Variants in GPC5 observed in about 807,000 individuals in gnomAD.
GPC5 encodes the protein glypican 5.
GPC5 carries 47 observed loss-of-function variants against 53.9 expected under a neutral mutation model. That is an observed-to-expected ratio of 0.87 (90% CI 0.69 to 1.11). The LOEUF is 1.11. GPC5 is among the 50% of genes most tolerant of loss of function. The probability of loss-of-function intolerance (pLI) is 0.00; values close to 1 mark genes in which losing one functional copy is unlikely to be tolerated. For missense variants in GPC5, 748 were observed against 713.1 expected, an observed-to-expected ratio of 1.05 and a Z score of -0.56; for synonymous variants, 286 against 263.3, an observed-to-expected ratio of 1.09 and a Z score of -0.84.
intron 7 of GPC5, among the ~76,000 whole-genome samples, chr13:92,355,881 CATTT>C (rs2043517138): frequency 8.7e-6 from 1 of 115,422 alleles, no homozygotes; most frequent in Non-Finnish European, 1.7e-5. Context: ...TTGACCCTAT[CATTT>C]TTTTTTTTTT....
At chr13:91,944,801 T>A (rs2039960121) in intron 6 of GPC5, among the ~76,000 whole-genome samples, 1 of 152,228 alleles carries the variant, frequency 6.6e-6, no homozygotes, top group Non-Finnish European at 1.5e-5. Context: ...TGGGCGCTTA[T>A]AACTGTACAC....
At chr13:91,750,376 A>G (rs1285482087) in intron 4 of GPC5, among the ~76,000 whole-genome samples, 1 of 152,206 alleles carries the variant, frequency 6.6e-6, no homozygotes. Context: ...TATGAAACAC[A>G]GTCCCTGAAG....
At chr13:92,594,433 G>A (rs921205697) in intron 7 of GPC5, among the ~76,000 whole-genome samples, 3 of 152,166 alleles carry the variant, frequency 2.0e-5, no homozygotes, top group Non-Finnish European at 4.4e-5. Context: ...TGAATGGTAA[G>A]ACAGTCCTTA....
intron 6 of GPC5, among the ~76,000 whole-genome samples, chr13:92,094,897 G>C (rs756655484): frequency 6.6e-6 from 1 of 151,044 alleles, no homozygotes; most frequent in Non-Finnish European, 1.5e-5. Flanking sequence ...CTCTCTCTTC[G>C]TGTTTTATTT....
chr13:91,550,711 C>A (rs572297062), intron 2 of GPC5, among the ~76,000 whole-genome samples: 1 of 152,190 alleles, frequency 6.6e-6, no homozygotes, highest in African/African-American at 2.4e-5. Flanking sequence ...TTGGCTATGT[C>A]CTCACCCAAA....
Position 92,646,028 on chromosome 13 carries a change from A to G in GPC5, c.1562-220254A>G, listed in dbSNP as rs1266005504. Among the ~76,000 whole-genome samples, 5 of 152,124 alleles carry G rather than the reference A, an allele frequency of 3.3e-5. No individual in the cohort carries two copies. The South Asian group carries it at 8.3e-4, about 25-fold the overall frequency. On this transcript the variant is annotated intron_variant, in intron 7 of 7. Coordinates refer to ENST00000377067, the MANE Select transcript of GPC5 (RefSeq NM_004466.6). The stretch of plus-strand genomic sequence containing the variant: ...TAAGACCAGAGTTCTTAATTTTCAT[A>G]AAGTCCAATATTTCTAATTTTTATT...
At chr13:92,544,061 A>G (rs949125652) in intron 7 of GPC5, among the ~76,000 whole-genome samples, 3 of 152,104 alleles carry the variant, frequency 2.0e-5, no homozygotes, top group African/African-American at 4.8e-5. Flanking sequence ...ATGTATATTA[A>G]GTAACTGAAG....
chr13:92,057,085 C>T (rs1439560735), intron 6 of GPC5, among the ~76,000 whole-genome samples: 1 of 152,100 alleles, frequency 6.6e-6, no homozygotes, highest in African/African-American at 2.4e-5. Flanking sequence ...TTATGACTGG[C>T]TTTTTCAAAT....
At chr13:92,068,603 G>A (rs2041185398) in intron 6 of GPC5, among the ~76,000 whole-genome samples, 1 of 151,088 alleles carries the variant, frequency 6.6e-6, no homozygotes, top group Non-Finnish European at 1.5e-5. Context: ...TAATATTTTT[G>A]TAAGATTTTA....
rs1418743265 is a variant in GPC5, at chr13:92,810,508, ACT to A, written c.1562-55773_1562-55772del. On this transcript the variant is annotated intron_variant, in intron 7 of 7. Transcript: ENST00000377067. ...ATTTAATGGCATTCATTATATTTAC[ACT>A]GTTATATCACCATCACCTCTCTAGT... Among the ~76,000 whole-genome samples, 10 of 151,914 alleles carry A rather than the reference ACT, an allele frequency of 6.6e-5. 1 individual carries two copies. Among genetic ancestry groups the A allele is most frequent in the African/African-American group, 1.7e-4 (7 of 41,258 alleles).
intron 5 of GPC5, among the ~76,000 whole-genome samples, chr13:91,876,019 T>G (rs926264899): frequency 6.6e-6 from 1 of 152,220 alleles, no homozygotes. Flanking sequence ...TGACAGTGAA[T>G]AAGTCTCAGG....
intron 6 of GPC5, among the ~76,000 whole-genome samples, chr13:92,108,284 C>T (rs929815066): frequency 3.9e-5 from 6 of 152,192 alleles, no homozygotes; most frequent in Non-Finnish European, 8.8e-5. Flanking sequence ...TGAAAAATAT[C>T]CTTAGAGGAC....
At chr13:92,025,863 T>C (rs911628796) in intron 6 of GPC5, among the ~76,000 whole-genome samples, 2 of 152,192 alleles carry the variant, frequency 1.3e-5, no homozygotes, top group African/African-American at 2.4e-5. Flanking sequence ...TACATACATT[T>C]TCATATGTAA....
At chr13:91,513,104 A>G (rs1396721581) in intron 2 of GPC5, among the ~76,000 whole-genome samples, 1 of 152,168 alleles carries the variant, frequency 6.6e-6, no homozygotes, top group East Asian at 1.9e-4. Flanking sequence ...TGCTGCACCT[A>G]TGAACCCATC....
At chr13:91,907,000 T>C (rs1202566206) in intron 5 of GPC5, among the ~76,000 whole-genome samples, 1 of 149,906 alleles carries the variant, frequency 6.7e-6, no homozygotes, top group Non-Finnish European at 1.5e-5. Flanking sequence ...TTTATATATA[T>C]ATATATGCCA....
intron 7 of GPC5, chr13:92,240,112 T>C (rs1429439652): frequency 6.6e-6 from 1 of 152,080 alleles, no homozygotes; most frequent in Non-Finnish European, 1.5e-5. Context: ...ACTCCATGGT[T>C]ATAAAGACGT....
intron 6 of GPC5, among the ~76,000 whole-genome samples, chr13:91,919,304 C>A (rs1373185792): frequency 6.6e-6 from 1 of 152,180 alleles, no homozygotes; most frequent in Non-Finnish European, 1.5e-5. Context: ...GAAAATGCCC[C>A]AAGAAAGTTT....
intron 7 of GPC5, among the ~76,000 whole-genome samples, chr13:92,306,070 T>C (rs2139203855): frequency 6.6e-6 from 1 of 152,282 alleles, no homozygotes. Flanking sequence ...GCTGTGACTT[T>C]TAAGAGATTG....
chr13:91,980,867 T>C (rs1399388372), intron 6 of GPC5, among the ~76,000 whole-genome samples: 4 of 152,218 alleles, frequency 2.6e-5, no homozygotes, highest in African/African-American at 9.6e-5. Context: ...ACTTCTGTGT[T>C]TGATGTCTTT....
Sources: gnomAD v4.1 joint callset for allele counts (sites outside exome capture counted in the v4.1 genomes callset) on GRCh38, gnomAD v4.1.1 for gene constraint, MANE v1.5 for transcripts, NCBI Gene and HGNC (gene_info 2026-07-23, HGNC 2026-07-21) for gene names.